The following GART variants were observed in gnomAD, a reference collection of about 807,000 sequenced individuals.
GART encodes the protein phosphoribosylglycinamide formyltransferase, phosphoribosylglycinamide synthetase, phosphoribosylaminoimidazole synthetase, also known as trifunctional purine biosynthetic protein adenosine-3.
Under a neutral mutation model 107.2 loss-of-function variants are expected in GART, and 43 were observed. The observed-to-expected ratio is 0.40, with a 90% CI of 0.31 to 0.52. The LOEUF is 0.52. GART is among the 20% of genes least tolerant of loss of function. GART has a pLI of 0.52. For missense variants in GART, 1,107 were observed against 1,206.5 expected (o/e 0.92, Z 1.22); for synonymous variants, 434 against 427.0 (o/e 1.02, Z -0.20).
At chr21:33,505,737 A>G (rs1259387941) in intron 19 of GART, 35 bp from the exon 20 acceptor site, 1 of 1,539,578 alleles carries the variant, frequency 6.5e-7, no homozygotes, top group East Asian at 2.3e-5. Context: ...ACCCTTTTCA[A>G]TGAATTACCA....
chr21:33,542,089 C>T lies in GART; in HGVS notation c.-66G>A, dbSNP rs2085447179. ...CCGACACCGGGTGGCCACCTGGTTC[C>T]CGCTTGCCCGCTCGCCGGAAGTCGG... On this transcript the variant is annotated 5_prime_UTR_variant, in exon 1 of 22. Transcript: ENST00000381815. The T allele has an allele frequency of 1.3e-5, 2 of 152,386 alleles. No homozygotes were observed. The highest frequency in any genetic ancestry group is 2.1e-4 in the South Asian group (1 of 4,834). 9.4% of individuals were successfully genotyped at this position (152,386 alleles called of 1,614,324 possible).
chr21:33,508,643 G>A (rs1472057221), intron 18 of GART, among the ~76,000 whole-genome samples: 3 of 150,334 alleles, frequency 2.0e-5, no homozygotes, highest in Non-Finnish European at 4.4e-5. Context: ...TCAGCCTCCA[G>A]AGTAGCTGGA....
intron 1 of GART, among the ~76,000 whole-genome samples, chr21:33,541,698 G>A (rs913420454): frequency 2.0e-5 from 3 of 152,028 alleles, no homozygotes; most frequent in East Asian, 3.9e-4. Context: ...GAATAAGACA[G>A]GCAAATAAAG....
upstream of GART, chr21:33,542,829 G>A: frequency 1.8e-6 from 1 of 549,302 alleles, no homozygotes; most frequent in Non-Finnish European, 3.3e-6. Context: ...CTCCTGTAAT[G>A]GCGCCTGCGT....
At position 33,518,660 on chromosome 21, in the gene GART, G is replaced by A. The variant is rs540694469; in HGVS notation, c.1703-1052C>T. The stretch of plus-strand genomic sequence containing the variant: ...GTTACTTCATATTTTTTCTTCTTCA[G>A]AAGTTGACTCAATTCAGTTTGCCTC... On this transcript the variant is annotated intron_variant, in intron 14 of 21. Transcript: ENST00000381815. 43 of 420,260 alleles carry A rather than the reference G, an allele frequency of 1.0e-4. 1 individual carries two copies. The highest frequency in any genetic ancestry group is 9.9e-4 in the East Asian group (16 of 16,184). 26.0% of individuals were successfully genotyped at this position (420,260 alleles called of 1,614,324 possible).
At chr21:33,517,672 C>A in intron 14 of GART, 64 bp from the exon 15 acceptor site, 2 of 1,536,760 alleles carry the variant, frequency 1.3e-6, no homozygotes, top group East Asian at 4.5e-5. Context: ...GAAACAGTGG[C>A]ACAGGCTACT....
At chr21:33,520,698 C>T in intron 13 of GART, 136 bp from the exon 14 acceptor site, 1 of 762,702 alleles carries the variant, frequency 1.3e-6, no homozygotes, top group Non-Finnish European at 2.1e-6. Context: ...TAAAAGCATC[C>T]CCTTTTATCC....
At position 33,504,046 on chromosome 21, in the gene GART, C is replaced by G. The variant is rs1601162882; in HGVS notation, c.*78G>C. 7.4e-7 allele frequency: 1 copy of G among 1,349,590 alleles called. No homozygotes were observed. The highest frequency in any genetic ancestry group is 2.3e-5 in the East Asian group (1 of 42,822). The allele number at this position is 1,349,590 out of a possible 1,614,324, so 83.6% of individuals were successfully genotyped here. A position where few individuals can be genotyped will look rare whatever the true frequency, so the allele number is the denominator to read the frequency against. The stretch of plus-strand genomic sequence containing the variant: ...TCTTTTAGCAGTTTTTCTTTTGGGC[C>G]AAGTCCATGATAAAAAACCACCATG... On this transcript the variant is annotated 3_prime_UTR_variant, in exon 22 of 22. Coordinates refer to ENST00000381815, the MANE Select transcript of GART (RefSeq NM_000819.5).
chr21:33,518,521 T>A, intron 14 of GART: 2 of 183,948 alleles, frequency 1.1e-5, no homozygotes, highest in Non-Finnish European at 2.3e-5. Context: ...AAGCAAAAAC[T>A]GAAAAGAGCT....
At chr21:33,518,855 T>C in intron 14 of GART, 1 of 536,434 alleles carries the variant, frequency 1.9e-6, no homozygotes, top group Non-Finnish European at 3.7e-6. Context: ...GCTGGTAGCA[T>C]TTCTATCAGC....
chr21:33,508,953 A>C (rs537489057), intron 18 of GART, among the ~76,000 whole-genome samples: 22 of 152,330 alleles, frequency 1.4e-4, no homozygotes, highest in Admixed American at 5.9e-4. Flanking sequence ...TATTGCTGCA[A>C]ATGATGTGGT....
At chr21:33,519,537 G>C (rs2084932743) in intron 14 of GART, among the ~76,000 whole-genome samples, 2 of 146,626 alleles carry the variant, frequency 1.4e-5, no homozygotes, top group South Asian at 2.2e-4. Flanking sequence ...CTGCGTGACA[G>C]AGCAAGACTC....
At chr21:33,530,911 T>C in intron 6 of GART, 27 bp from the exon 7 acceptor site, 1 of 1,507,414 alleles carries the variant, frequency 6.6e-7, no homozygotes, top group Non-Finnish European at 8.8e-7. Context: ...ATAGTCCATT[T>C]ATGTTAACTG....
rs762793872 is a variant in GART, at chr21:33,505,728, C to A, written c.2584-26G>T. On this transcript the variant is annotated intron_variant, in intron 19 of 21. Transcript: ENST00000381815. ...CTGTAATAGAAAAAGATAAGCACAACCCTTTTCAATGAATTACCAAAAATA... is the reference window on the plus strand; with the variant it reads ...CTGTAATAGAAAAAGATAAGCACAAACCTTTTCAATGAATTACCAAAAATA... 5 of 1,559,634 alleles carry A rather than the reference C, an allele frequency of 3.2e-6. No homozygotes were observed. The East Asian group carries it at 1.1e-4, about 35-fold the overall frequency.
chr21:33,541,469 T>C (rs1008100712), intron 1 of GART, among the ~76,000 whole-genome samples: 2 of 152,224 alleles, frequency 1.3e-5, no homozygotes, highest in Admixed American at 1.3e-4. Context: ...AGAGCAAATG[T>C]TACATCTTTA....
intron 2 of GART, among the ~76,000 whole-genome samples, chr21:33,537,949 G>A (rs574399560): frequency 3.3e-4 from 50 of 152,128 alleles, no homozygotes; most frequent in African/African-American, 1.2e-3. Context: ...CCAATTGAGA[G>A]ATAAGGGTGG....
upstream of GART, chr21:33,542,851 A>G: frequency 1.7e-6 from 1 of 576,096 alleles, no homozygotes; most frequent in Non-Finnish European, 3.1e-6. Flanking sequence ...AGACACTAAC[A>G]TGGCGGACAT....
rs1397190749 is a variant in GART, at chr21:33,535,416, C to G, written c.146-96G>C. On this transcript the variant is annotated intron_variant, in intron 2 of 21. Coordinates refer to ENST00000381815, the MANE Select transcript of GART (RefSeq NM_000819.5). ...CTCACTAAAAAAACTAAGTTCTATA[C>G]TTTAGTATGCTTGTTATCTGTTGGT... 4.5e-6 allele frequency: 3 copies of G among 659,664 alleles called. No individual in the cohort carries two copies. In the South Asian group the frequency reaches 7.5e-5, roughly 17 times the overall value. The allele number at this position is 659,664 out of a possible 1,614,324, so 40.9% of individuals were successfully genotyped here.
chr21:33,523,446 CTT>C (rs2145721075), intron 11 of GART, among the ~76,000 whole-genome samples: 1 of 152,130 alleles, frequency 6.6e-6, no homozygotes, highest in South Asian at 2.1e-4. Context: ...ATTGCAGTCC[CTT>C]GAAATAGGTC....
Sources: allele counts gnomAD v4.1 joint callset (sites outside exome capture counted in the v4.1 genomes callset), GRCh38; gene constraint gnomAD v4.1.1; transcripts MANE v1.5; gene names NCBI Gene and HGNC (gene_info 2026-07-23, HGNC 2026-07-21).